ADAMTS12: variants seen among roughly 807,000 people sequenced by gnomAD.
ADAMTS12 encodes ADAM metallopeptidase with thrombospondin type 1 motif 12.
A neutral mutation model predicts 167.8 loss-of-function variants in ADAMTS12; 118 were observed. The observed-to-expected ratio is 0.70, with a 90% CI of 0.61 to 0.82. ADAMTS12 has a LOEUF of 0.82. ADAMTS12 is among the 40% of genes least tolerant of loss of function. The pLI, the probability that ADAMTS12 is intolerant of heterozygous loss-of-function variation, is 0.00. For missense variants in ADAMTS12, 1,916 were observed against 1,998.8 expected, an observed-to-expected ratio of 0.96 and a Z score of 0.79; for synonymous variants, 704 against 716.9, an observed-to-expected ratio of 0.98 and a Z score of 0.29.
intron 13 of ADAMTS12, among the ~76,000 whole-genome samples, chr5:33,627,108 G>T (rs1739686366): frequency 6.8e-6 from 1 of 147,660 alleles, no homozygotes; most frequent in Non-Finnish European, 1.5e-5. Context: ...GGTGATGATG[G>T]TTGTGGTGGT....
At chr5:33,630,696 G>T in intron 13 of ADAMTS12, 84 bp downstream of exon 13, 1 of 1,459,084 alleles carries the variant, frequency 6.9e-7, no homozygotes, top group Non-Finnish European at 9.4e-7. Flanking sequence ...TGCTGTGAAA[G>T]CACAAACCTA....
At chr5:33,561,499 C>G (rs953668042) in intron 19 of ADAMTS12, among the ~76,000 whole-genome samples, 1 of 152,196 alleles carries the variant, frequency 6.6e-6, no homozygotes, top group African/African-American at 2.4e-5. Context: ...CTTATCCTGG[C>G]AGGCCAGGGG....
At chr5:33,751,315 A>C (rs1744967265) in intron 3 of ADAMTS12, 89 bp downstream of exon 3, 5 of 1,534,058 alleles carry the variant, frequency 3.3e-6, no homozygotes, top group Non-Finnish European at 3.6e-6. Flanking sequence ...GAGATAAGAG[A>C]CTTGAGTAAG....
chr5:33,552,236 T>C (rs545861), intron 20 of ADAMTS12, among the ~76,000 whole-genome samples: 54,690 of 152,154 alleles, frequency 0.36, 13,763 homozygotes, highest in African/African-American at 0.7. Context: ...AGGCTGAACT[T>C]CTACAGAGTA....
chr5:33,681,445 A>G (rs999640553), intron 5 of ADAMTS12, among the ~76,000 whole-genome samples: 1 of 152,132 alleles, frequency 6.6e-6, no homozygotes, highest in Non-Finnish European at 1.5e-5. Context: ...GGCTGGTCCT[A>G]CCATTCATTA....
At chr5:33,742,886 T>C (rs1028713787) in intron 3 of ADAMTS12, among the ~76,000 whole-genome samples, 2 of 152,206 alleles carry the variant, frequency 1.3e-5, no homozygotes, top group Admixed American at 6.5e-5. Context: ...TTCTGGTTCA[T>C]GGAAGACAGA....
At chr5:33,744,990 A>AT (rs1744728718) in intron 3 of ADAMTS12, among the ~76,000 whole-genome samples, 1 of 151,556 alleles carries the variant, frequency 6.6e-6, no homozygotes, top group Non-Finnish European at 1.5e-5. Flanking sequence ...ATTAAAAAAA[A>AT]TTTTTTTGGT....
Position 33,561,161 on chromosome 5 carries a change from G to A in ADAMTS12, c.3991C>T (p.Leu1331=), listed in dbSNP as rs1328856935. ...TCCACCCTTCTCCAGTAGGCCCCCA[G>A]GCCACATGTGGTGGAGCACTGTAGC... ...NWSECSTTCG[L]GAYWRRVECS... The change falls in exon 20 of 24, where the codon CTG becomes TTG. Residue 1331 remains leucine (L), a synonymous_variant. Coordinates refer to ENST00000504830, the MANE Select transcript of ADAMTS12 (RefSeq NM_030955.4). 4.3e-6 allele frequency: 7 copies of A among 1,613,982 alleles called. No individual in the cohort carries two copies. In the Admixed American group the frequency reaches 1.2e-4, roughly 27 times the overall value.
intron 2 of ADAMTS12, among the ~76,000 whole-genome samples, chr5:33,850,237 G>A (rs73073057): frequency 0.016 from 2,457 of 152,266 alleles, 63 homozygotes; most frequent in African/African-American, 0.056. Context: ...CCTGACCCAG[G>A]ATGTGGCATG....
chr5:33,547,420 T>C (rs1745036587), intron 21 of ADAMTS12, among the ~76,000 whole-genome samples: 1 of 152,098 alleles, frequency 6.6e-6, no homozygotes, highest in African/African-American at 2.4e-5. Context: ...CTACCACTGG[T>C]GTAGAGATGG....
intron 10 of ADAMTS12, among the ~76,000 whole-genome samples, 176 bp downstream of exon 10, chr5:33,643,202 A>G (rs1408149949): frequency 3.3e-5 from 5 of 152,172 alleles, no homozygotes; most frequent in East Asian, 1.9e-4. Flanking sequence ...CCTGCTCCCA[A>G]AGCAGGTTCA....
intron 2 of ADAMTS12, among the ~76,000 whole-genome samples, chr5:33,808,023 G>A (rs544186508): frequency 2.0e-5 from 3 of 152,258 alleles, no homozygotes; most frequent in Admixed American, 6.5e-5. Flanking sequence ...TAGAGGACAC[G>A]GTGAAAATGA....
intron 16 of ADAMTS12, among the ~76,000 whole-genome samples, chr5:33,597,736 T>A (rs12697290): frequency 0.84 from 127,328 of 151,924 alleles, 53,740 homozygotes; most frequent in Middle Eastern, 0.93. Context: ...ACCTTCAACC[T>A]CTCAGGCTTT....
chr5:33,649,998 A>G (rs945724163), intron 7 of ADAMTS12, among the ~76,000 whole-genome samples: 2 of 152,228 alleles, frequency 1.3e-5, no homozygotes, highest in African/African-American at 2.4e-5. Flanking sequence ...TCTATGAATC[A>G]GGAGTCAGGA....
At chr5:33,653,941 C>T (rs140117348) in intron 7 of ADAMTS12, among the ~76,000 whole-genome samples, 88 of 152,278 alleles carry the variant, frequency 5.8e-4, no homozygotes, top group African/African-American at 1.8e-3. Context: ...ATGACATGAA[C>T]GTAAGATCTT....
chr5:33,557,519 C>T (rs1379378626), intron 20 of ADAMTS12, among the ~76,000 whole-genome samples: 2 of 152,102 alleles, frequency 1.3e-5, no homozygotes, highest in Non-Finnish European at 1.5e-5. Context: ...GGGTCTCCAA[C>T]TACTTGAAGC....
chr5:33,820,887 G>A (rs2548030), intron 2 of ADAMTS12, among the ~76,000 whole-genome samples: 73,683 of 151,840 alleles, frequency 0.49, 18,606 homozygotes, highest in Non-Finnish European at 0.54. Context: ...AACCAAATAC[G>A]GCATGTTCTC....
chr5:33,699,944 T>C (rs901100351), intron 3 of ADAMTS12, among the ~76,000 whole-genome samples: 3 of 152,124 alleles, frequency 2.0e-5, no homozygotes, highest in Admixed American at 2.0e-4. Flanking sequence ...CATGAAAAGT[T>C]AGTCAACATC....
rs775261144 is a variant in ADAMTS12, at chr5:33,637,675, C to A, written c.1790G>T (p.Arg597Leu). ...RYRLCNVHPC[R>L]SEAPTFRQMQ... ...CTGCCGAAATGTTGGTGCCTCTGAG[C>A]GACAGGGGTGGACGTTGCACAAGCG... Residue 597 changes from arginine to leucine, a missense_variant, in exon 12 of 24, where the codon CGC (arginine) becomes CTC (leucine). Coordinates refer to ENST00000504830, the MANE Select transcript of ADAMTS12 (RefSeq NM_030955.4). The A allele has an allele frequency of 1.9e-6, 3 of 1,613,754 alleles. No homozygotes were observed. In the Admixed American group the frequency reaches 5.0e-5, roughly 27 times the overall value.
Sources: gnomAD v4.1 joint callset for allele counts (sites outside exome capture counted in the v4.1 genomes callset) on GRCh38, gnomAD v4.1.1 for gene constraint, MANE v1.5 for transcripts, NCBI Gene and HGNC (gene_info 2026-07-23, HGNC 2026-07-21) for gene names.